The following RFX6 variants were observed in gnomAD, a reference collection of about 807,000 sequenced individuals.
The protein encoded by RFX6 is regulatory factor X6.
RFX6 carries 50 observed loss-of-function variants against 110.8 expected under a neutral mutation model. The observed-to-expected ratio is 0.45, with a 90% confidence interval of 0.36 to 0.57. The LOEUF is 0.57. Ranked by LOEUF, RFX6 falls within the 20% of genes least tolerant of loss-of-function variation. RFX6 has a pLI of 0.00. For synonymous variants in RFX6, 383 were observed against 411.2 expected (o/e 0.93, Z 0.83); for missense variants, 990 against 1,127.0 (o/e 0.88, Z 1.74).
chr6:116,877,689 C>CG (rs1377322697), intron 1 of RFX6, 107 bp from the exon 2 acceptor site: 12 of 1,174,054 alleles, frequency 1.0e-5, no homozygotes, highest in African/African-American at 1.5e-5. Flanking sequence ...TCCTCCCCTC[C>CG]GCCCCCACCC....
chr6:116,889,778 G>A (rs1186088060), intron 4 of RFX6, among the ~76,000 whole-genome samples: 2 of 151,906 alleles, frequency 1.3e-5, no homozygotes, highest in African/African-American at 4.8e-5. Flanking sequence ...TTTAAATTGT[G>A]GTGATATGTT....
chr6:116,921,739 C>A (rs1775600075), intron 12 of RFX6, among the ~76,000 whole-genome samples: 1 of 151,542 alleles, frequency 6.6e-6, no homozygotes, highest in Non-Finnish European at 1.5e-5. Context: ...AGGAGGGTCA[C>A]TTGAGCCCAG....
rs545891164 is a variant in RFX6, at chr6:116,880,551, G to A, written c.388G>A (p.Glu130Lys). The change falls in exon 3 of 19, where the codon GAG becomes AAG. Residue 130 changes from glutamate to lysine, a missense_variant. By Grantham distance (56) the Glu-to-Lys change is moderately conservative. Around this residue, in one of 5 missense-constraint regions of RFX6, gnomAD observed 175 missense variants for 162.3 expected, o/e 1.08. Coordinates refer to ENST00000332958, the MANE Select transcript of RFX6 (RefSeq NM_173560.4). ...TTTGTTCCTTTTTCTTAGGCTTGAA[G>A]AGAATTACATTGTATGTGAAGGAGT... The part of the protein sequence containing the change: ...QTQLTLQWLE[E>K]NYIVCEGVCL... 6.2e-7 allele frequency: 1 copy of A among 1,612,688 alleles called. No individual in the cohort carries two copies. Among genetic ancestry groups the A allele is most frequent in the Non-Finnish European group, 8.5e-7 (1 of 1,179,064 alleles).
At chr6:116,918,395 A>G (rs545418534) in intron 10 of RFX6, among the ~76,000 whole-genome samples, 1 of 152,194 alleles carries the variant, frequency 6.6e-6, no homozygotes, top group East Asian at 1.9e-4. Context: ...TAATTAATGG[A>G]AAATAACCAC....
chr6:116,877,935 A>C lies in RFX6; in HGVS notation c.363A>C (p.Thr121=), dbSNP rs756942246. The part of the protein sequence containing the change: ...TQIVKDKKKQ[T]QLTLQWLEEN... The stretch of plus-strand genomic sequence containing the variant: ...TTGTGAAGGATAAAAAGAAGCAGAC[A>C]CAGCTCACGCTGCAGTGGTGAGACT... The change falls in exon 2 of 19, where the codon ACA becomes ACC. Residue 121 remains threonine (T), a synonymous_variant. Transcript: ENST00000332958. 1 of 1,614,148 alleles carries C rather than the reference A, an allele frequency of 6.2e-7. No individual in the cohort carries two copies. The highest frequency in any genetic ancestry group is 1.1e-5 in the South Asian group (1 of 91,070).
At chr6:116,897,814 A>G (rs1047022066) in intron 6 of RFX6, among the ~76,000 whole-genome samples, 2 of 152,186 alleles carry the variant, frequency 1.3e-5, no homozygotes, top group Admixed American at 6.5e-5. Context: ...AAGGGGTTTA[A>G]TTTGGGACTT....
At chr6:116,916,404 T>C in intron 9 of RFX6, 90 bp downstream of exon 9, 4 of 849,714 alleles carry the variant, frequency 4.7e-6, no homozygotes, top group South Asian at 4.1e-5. Context: ...TCAGTAAATA[T>C]GTTATTTATG....
chr6:116,901,200 C>T (rs142838148), intron 6 of RFX6, among the ~76,000 whole-genome samples: 5 of 152,232 alleles, frequency 3.3e-5, no homozygotes, highest in East Asian at 1.9e-4. Context: ...GTATATTAAA[C>T]GCATTTTTGA....
Position 116,909,735 on chromosome 6 carries a change from C to CTTTTTTTTTTTTTT in RFX6, c.673-1184_673-1171dup, listed in dbSNP as rs59264999. Among the ~76,000 whole-genome samples, 10 of 67,378 alleles carry CTTTTTTTTTTTTTT rather than the reference C, an allele frequency of 1.5e-4. 1 individual carries two copies. The highest frequency in any genetic ancestry group is 6.1e-4 in the African/African-American group (10 of 16,512). 44.2% of individuals were successfully genotyped at this position (67,378 alleles called of 152,430 possible). A position where few individuals can be genotyped will look rare whatever the true frequency, so the allele number is the denominator to read the frequency against. ...TTTTAAATATAAAGCTCATTTAAAT[C>CTTTTTTTTTTTTTT]TTTTTTTTTTTTTTTTTTTTTTTTT... On this transcript the variant is annotated intron_variant, in intron 6 of 18. Coordinates refer to ENST00000332958, the MANE Select transcript of RFX6 (RefSeq NM_173560.4).
intron 6 of RFX6, 128 bp downstream of exon 6, chr6:116,895,335 G>A: frequency 1.7e-6 from 1 of 591,350 alleles, no homozygotes; most frequent in South Asian, 2.1e-5. Flanking sequence ...CCTTGACGAA[G>A]GACTTCAGAT....
At chr6:116,899,934 C>T (rs1485304440) in intron 6 of RFX6, among the ~76,000 whole-genome samples, 1 of 151,920 alleles carries the variant, frequency 6.6e-6, no homozygotes, top group African/African-American at 2.4e-5. Flanking sequence ...ATCCATAGTA[C>T]ATAAAAAATC....
In RFX6 at chr6:116,911,612, A is replaced by G. The variant is rs542979423; in HGVS notation, c.780+570A>G. Among the ~76,000 whole-genome samples, 10 of 152,332 alleles carry G rather than the reference A, an allele frequency of 6.6e-5. No homozygotes were observed. In the South Asian group the frequency reaches 2.1e-3, roughly 32 times the overall value. ...CAATATGACTTTTCAATGTTTATGT[A>G]ATAGCGTGTAAACTATATCTTCGAT... On this transcript the variant is annotated intron_variant, in intron 7 of 18. Coordinates refer to ENST00000332958, the MANE Select transcript of RFX6 (RefSeq NM_173560.4).
chr6:116,921,892 T>C, intron 12 of RFX6, 150 bp from the exon 13 acceptor site: 1 of 621,300 alleles, frequency 1.6e-6, no homozygotes, highest in South Asian at 2.0e-5. Flanking sequence ...TTTCAAGATA[T>C]GATATTAATT....
At chr6:116,886,669 C>T (rs567920575) in intron 4 of RFX6, among the ~76,000 whole-genome samples, 33 of 152,240 alleles carry the variant, frequency 2.2e-4, no homozygotes, top group African/African-American at 7.7e-4. Context: ...TTCTTTCCCT[C>T]ACTGAAAAGT....
At chr6:116,920,479 A>G (rs751650033) in intron 12 of RFX6, 25 bp downstream of exon 12, 1 of 1,606,372 alleles carries the variant, frequency 6.2e-7, no homozygotes, top group African/African-American at 1.3e-5. Context: ...TTTGTTTAGA[A>G]CAAGGTTTTC....
chr6:116,931,584 C>A lies in RFX6; in HGVS notation c.*78C>A. 2 of 1,075,506 alleles carry A rather than the reference C, an allele frequency of 1.9e-6. No individual in the cohort carries two copies. The highest frequency in any genetic ancestry group is 2.8e-6 in the Non-Finnish European group (2 of 721,074). 66.6% of individuals were successfully genotyped at this position (1,075,506 alleles called of 1,614,324 possible). Reference sequence around the variant, plus strand: ...AAATATCATTATTCACTCAGACTTCCATAAGAGTAAATAAAAATGAATATG... The same window carrying A: ...AAATATCATTATTCACTCAGACTTCAATAAGAGTAAATAAAAATGAATATG... On this transcript the variant is annotated 3_prime_UTR_variant, in exon 19 of 19. Transcript: ENST00000332958.
intron 4 of RFX6, among the ~76,000 whole-genome samples, chr6:116,887,409 A>G (rs1398832684): frequency 2.0e-5 from 3 of 152,188 alleles, no homozygotes; most frequent in Admixed American, 6.5e-5. Context: ...CCAGCCAAGA[A>G]AACCAGCAAC....
intron 8 of RFX6, 36 bp from the exon 9 acceptor site, chr6:116,916,164 GA>G (rs1423973639): frequency 1.9e-6 from 3 of 1,574,784 alleles, no homozygotes; most frequent in Middle Eastern, 1.7e-4. Context: ...TCATGTTAAA[GA>G]AAAAAATCTT....
intron 18 of RFX6, 84 bp downstream of exon 18, chr6:116,929,055 A>G (rs1562150129): frequency 4.6e-6 from 4 of 867,982 alleles, no homozygotes; most frequent in Admixed American, 1.7e-5. Context: ...AGATATGCTG[A>G]GGTGAACTGA....
Sources: gnomAD v4.1 joint callset for allele counts (sites outside exome capture counted in the v4.1 genomes callset) on GRCh38, gnomAD v4.1.1 for gene constraint, gnomAD v4.1.1 regional missense constraint, MANE v1.5 for transcripts, NCBI Gene and HGNC (gene_info 2026-07-23, HGNC 2026-07-21) for gene names.